Variants in DLC1 observed in about 807,000 individuals in gnomAD.
DLC1 encodes the protein DLC1 Rho GTPase activating protein.
DLC1 carries 54 observed loss-of-function variants against 140.3 expected under a neutral mutation model. The ratio of observed to expected loss-of-function variants is 0.38; its 90% confidence interval spans 0.31 to 0.48. DLC1 has a LOEUF of 0.48. Among genes scored for constraint, DLC1 ranks in the 20% least tolerant of loss-of-function variants. DLC1 has a pLI of 0.96. For missense variants in DLC1, 2,536 were observed against 1,907.0 expected (o/e 1.33, Z -6.14); for synonymous variants, 986 against 728.1 (o/e 1.35, Z -5.70).
intron 1 of DLC1, among the ~76,000 whole-genome samples, chr8:13,503,462 A>C (rs939446666): frequency 2.0e-5 from 3 of 152,190 alleles, no homozygotes; most frequent in Admixed American, 6.5e-5. Flanking sequence ...TCTAGTTTGA[A>C]AATCACTGAT....
intron 4 of DLC1, among the ~76,000 whole-genome samples, chr8:13,393,059 A>G (rs1836837768): frequency 6.6e-6 from 1 of 152,068 alleles, no homozygotes; most frequent in Admixed American, 6.6e-5. Context: ...TATTTATATA[A>G]TTATTATCTG....
chr8:13,156,722 C>G (rs946915840), intron 5 of DLC1, among the ~76,000 whole-genome samples: 2 of 152,106 alleles, frequency 1.3e-5, no homozygotes, highest in Non-Finnish European at 1.5e-5. Flanking sequence ...ATGTTCGCAA[C>G]TCAAAAAGTC....
At chr8:13,490,512 G>C (rs1348616208) in intron 2 of DLC1, among the ~76,000 whole-genome samples, 2 of 152,144 alleles carry the variant, frequency 1.3e-5, no homozygotes, top group African/African-American at 2.4e-5. Context: ...ACTGTGTCTG[G>C]TACCCAGATA....
chr8:13,450,452 C>CAAAAAAAAAAAAAAAAAAAAAAAA lies in DLC1; in HGVS notation c.1023+48596_1023+48597insTTTTTTTTTTTTTTTTTTTTTTTT. ...CCTGGGCAACAGAGTGAGACTGTCTCAAAAAAAAAAAAAAAAAAAAAAAGG... is the reference window on the plus strand; with the variant it reads ...CCTGGGCAACAGAGTGAGACTGTCTCAAAAAAAAAAAAAAAAAAAAAAAAAAAAAAAAAAAAAAAAAAAAAAAGG... On this transcript the variant is annotated intron_variant, in intron 2 of 17. Transcript: ENST00000276297. Among the ~76,000 whole-genome samples the CAAAAAAAAAAAAAAAAAAAAAAAA allele has an allele frequency of 3.7e-5, 2 of 53,370 alleles. 1 individual carries two copies. 35.0% of individuals were successfully genotyped at this position (53,370 alleles called of 152,430 possible). A position where few individuals can be genotyped will look rare whatever the true frequency, so the allele number is the denominator to read the frequency against.
intron 4 of DLC1, among the ~76,000 whole-genome samples, chr8:13,312,804 T>C (rs1379757775): frequency 6.6e-6 from 1 of 152,168 alleles, no homozygotes; most frequent in East Asian, 1.9e-4. Context: ...ATACTGACTA[T>C]TCATAACAGT....
intron 4 of DLC1, among the ~76,000 whole-genome samples, chr8:13,343,210 G>A (rs1834158062): frequency 1.3e-5 from 2 of 152,130 alleles, no homozygotes; most frequent in African/African-American, 2.4e-5. Flanking sequence ...CAGAGATTGG[G>A]TCATCCATGA....
intron 1 of DLC1, among the ~76,000 whole-genome samples, chr8:13,538,573 G>C (rs553650012): frequency 6.6e-6 from 1 of 152,158 alleles, no homozygotes; most frequent in Admixed American, 6.5e-5. Context: ...CCAGTTAAGT[G>C]AGGAGTTTAC....
chr8:13,405,510 A>G (rs1185953768), intron 2 of DLC1, among the ~76,000 whole-genome samples: 1 of 152,232 alleles, frequency 6.6e-6, no homozygotes, highest in Non-Finnish European at 1.5e-5. Flanking sequence ...ACAGATGAGA[A>G]AACTGAACTC....
At chr8:13,317,814 A>G (rs1174456430) in intron 4 of DLC1, among the ~76,000 whole-genome samples, 1 of 152,178 alleles carries the variant, frequency 6.6e-6, no homozygotes, top group Non-Finnish European at 1.5e-5. Context: ...GCAAAGTCAG[A>G]GAAATAAGTT....
intron 1 of DLC1, chr8:13,559,267 G>C (rs192184062): frequency 2.0e-5 from 3 of 152,256 alleles, no homozygotes; most frequent in East Asian, 1.9e-4. Flanking sequence ...ATTCACTCAG[G>C]ATTCATAATC....
intron 1 of DLC1, among the ~76,000 whole-genome samples, chr8:13,547,315 A>T (rs1215198478): frequency 6.6e-6 from 1 of 152,058 alleles, no homozygotes; most frequent in Non-Finnish European, 1.5e-5. Context: ...TTAGCATTAT[A>T]TCAAATGACC....
At chr8:13,459,453 C>T (rs1799559033) in intron 2 of DLC1, among the ~76,000 whole-genome samples, 1 of 152,202 alleles carries the variant, frequency 6.6e-6, no homozygotes, top group Non-Finnish European at 1.5e-5. Context: ...CCCTCTCCTT[C>T]CTCGTAGCTG....
intron 5 of DLC1, among the ~76,000 whole-genome samples, chr8:13,225,456 A>C (rs1277541266): frequency 6.6e-6 from 1 of 152,272 alleles, no homozygotes; most frequent in South Asian, 2.1e-4. Context: ...TTCTGACCTC[A>C]CAGCTGGTTA....
intron 5 of DLC1, among the ~76,000 whole-genome samples, chr8:13,283,453 G>A (rs932685435): frequency 6.6e-6 from 1 of 152,166 alleles, no homozygotes; most frequent in African/African-American, 2.4e-5. Flanking sequence ...CTGCATATGG[G>A]CAATTTTGGG....
intron 2 of DLC1, among the ~76,000 whole-genome samples, chr8:13,456,173 C>T (rs932753837): frequency 1.3e-5 from 2 of 152,166 alleles, no homozygotes; most frequent in African/African-American, 2.4e-5. Context: ...CTAATAACTT[C>T]AGTTTAGTTT....
chr8:13,499,700 A>C lies in DLC1; in HGVS notation c.372T>G (p.Asp124Glu), dbSNP rs779370665. 6.2e-7 allele frequency: 1 copy of C among 1,614,172 alleles called. No individual in the cohort carries two copies. Among genetic ancestry groups the C allele is most frequent in the South Asian group, 1.1e-5 (1 of 91,088 alleles). Residue 124 changes from aspartate to glutamate, a missense_variant, in exon 2 of 18, where the codon GAT becomes GAG. Coordinates refer to ENST00000276297, the MANE Select transcript of DLC1 (RefSeq NM_182643.3). ...DNNADLCLTD[D>E]KQVLNTQGQK... Reference sequence around the variant, plus strand: ...GCCCTTGGGTATTTAAAACCTGTTTATCATCTGTAAGGCATAAATCAGCAT... The same window carrying C: ...GCCCTTGGGTATTTAAAACCTGTTTCTCATCTGTAAGGCATAAATCAGCAT...
intron 2 of DLC1, among the ~76,000 whole-genome samples, chr8:13,433,129 C>G (rs1024967296): frequency 3.3e-5 from 5 of 151,918 alleles, no homozygotes; most frequent in African/African-American, 1.2e-4. Flanking sequence ...GATGTGTTAG[C>G]TATTGAAGAG....
chr8:13,598,614 A>T (rs1264685672), intron 1 of DLC1, among the ~76,000 whole-genome samples: 1 of 152,100 alleles, frequency 6.6e-6, no homozygotes, highest in Non-Finnish European at 1.5e-5. Flanking sequence ...TTCAATCCAT[A>T]AGCTGATGAA....
chr8:13,452,116 A>G (rs441923), intron 2 of DLC1, among the ~76,000 whole-genome samples: 45,350 of 151,680 alleles, frequency 0.3, 7,252 homozygotes, highest in Middle Eastern at 0.41. Context: ...TATATAAAAG[A>G]TGCAATAAAA....
Sources: gnomAD v4.1 joint callset for allele counts (sites outside exome capture counted in the v4.1 genomes callset) on GRCh38, gnomAD v4.1.1 for gene constraint, MANE v1.5 for transcripts, NCBI Gene and HGNC (gene_info 2026-07-23, HGNC 2026-07-21) for gene names.